The following SFXN5 variants were observed in gnomAD, a reference collection of about 807,000 sequenced individuals.
SFXN5 encodes the protein sideroflexin 5.
In SFXN5, 43 loss-of-function variants were observed where a neutral mutation model predicts 50.2. The observed-to-expected ratio is 0.86, with a 90% CI of 0.67 to 1.11. The LOEUF (loss-of-function observed/expected upper bound fraction) is 1.11. SFXN5 is among the 50% of genes least tolerant of loss of function. SFXN5 has a pLI of 0.00. For missense variants in SFXN5, 463 were observed against 454.1 expected, an observed-to-expected ratio of 1.02 and a Z score of -0.18; for synonymous variants, 203 against 185.8, an observed-to-expected ratio of 1.09 and a Z score of -0.75.
At chr2:72,974,391 T>C (rs898585938) in intron 10 of SFXN5, among the ~76,000 whole-genome samples, 9 of 151,734 alleles carry the variant, frequency 5.9e-5, no homozygotes, top group Admixed American at 1.3e-4. Flanking sequence ...ACCACTGAGA[T>C]GAAAGATGAA....
At chr2:73,025,206 C>T (rs73945731) in intron 3 of SFXN5, among the ~76,000 whole-genome samples, 9,208 of 152,106 alleles carry the variant, frequency 0.061, 332 homozygotes, top group East Asian at 0.14. Context: ...TCAGTAAGCA[C>T]CTTCCTGAAG....
At chr2:73,015,296 A>G (rs1296400998) in intron 6 of SFXN5, among the ~76,000 whole-genome samples, 7 of 152,234 alleles carry the variant, frequency 4.6e-5, no homozygotes, top group Non-Finnish European at 4.4e-5. Flanking sequence ...TATTTGGTAA[A>G]AAGCATTTCG....
intron 10 of SFXN5, among the ~76,000 whole-genome samples, chr2:72,972,633 C>T (rs1670146544): frequency 6.6e-6 from 1 of 152,172 alleles, no homozygotes; most frequent in African/African-American, 2.4e-5. Flanking sequence ...GGTGTTGACC[C>T]CGCCTGAACT....
intron 13 of SFXN5, among the ~76,000 whole-genome samples, chr2:72,954,492 C>A (rs1371335422): frequency 6.6e-6 from 1 of 152,156 alleles, no homozygotes; most frequent in Non-Finnish European, 1.5e-5. Context: ...GGCCAGTGAA[C>A]CTCACTCCTG....
At chr2:73,069,420 G>A (rs1289207296) in intron 1 of SFXN5, among the ~76,000 whole-genome samples, 1 of 152,194 alleles carries the variant, frequency 6.6e-6, no homozygotes, top group Non-Finnish European at 1.5e-5. Context: ...AAAGAACACA[G>A]GCGGCTCCCA....
intron 2 of SFXN5, among the ~76,000 whole-genome samples, chr2:73,048,036 C>A (rs6754779): frequency 0.33 from 49,694 of 151,724 alleles, 9,944 homozygotes; most frequent in African/African-American, 0.56. Flanking sequence ...ACATGAAAAA[C>A]TGCTCATATA....
intron 1 of SFXN5, among the ~76,000 whole-genome samples, chr2:73,068,959 T>G (rs1683375023): frequency 7.0e-6 from 1 of 143,246 alleles, no homozygotes; most frequent in Non-Finnish European, 1.5e-5. Flanking sequence ...GATGGCCCAG[T>G]GGTGGGAGGG....
chr2:73,054,826 CATT>C (rs1681879809), intron 2 of SFXN5, among the ~76,000 whole-genome samples: 1 of 152,214 alleles, frequency 6.6e-6, no homozygotes, highest in Admixed American at 6.5e-5. Context: ...TAGAATCACA[CATT>C]AGGTGGGCTA....
At chr2:73,014,665 T>A (rs932418917) in intron 6 of SFXN5, among the ~76,000 whole-genome samples, 15 of 152,336 alleles carry the variant, frequency 9.8e-5, no homozygotes, top group African/African-American at 3.6e-4. Context: ...CTTATTTAGA[T>A]CTCCAATGTC....
intron 6 of SFXN5, among the ~76,000 whole-genome samples, chr2:73,014,609 G>T (rs535532442): frequency 3.3e-5 from 5 of 152,114 alleles, no homozygotes; most frequent in Non-Finnish European, 7.4e-5. Flanking sequence ...AAATTACATT[G>T]AATATAGATT....
At position 73,032,963 on chromosome 2, in the gene SFXN5, C is replaced by T. The variant is rs1345919482; in HGVS notation, c.249+7891G>A. ...GGGTACCCCCAATTCTACAGACTCA[C>T]GAAAGAAGAGGGACTCTTCGCCTAG... is the stretch of plus-strand genomic sequence containing the variant. On this transcript the variant is annotated intron_variant, in intron 3 of 13. Coordinates refer to ENST00000272433, the MANE Select transcript of SFXN5 (RefSeq NM_144579.3). 2.6e-5 allele frequency among the ~76,000 whole-genome samples: 4 copies of T among 152,160 alleles called. No individual in the cohort carries two copies. In the East Asian group the frequency reaches 5.8e-4, roughly 22 times the overall value.
At position 72,955,839 on chromosome 2, in the gene SFXN5, G is replaced by T. The variant is rs113345233; in HGVS notation, c.945+5292C>A. 4.6e-5 allele frequency among the ~76,000 whole-genome samples: 7 copies of T among 152,338 alleles called. 1 individual carries two copies. The highest frequency in any genetic ancestry group is 1.7e-4 in the African/African-American group (7 of 41,580). On this transcript the variant is annotated intron_variant, in intron 13 of 13. Coordinates refer to ENST00000272433, the MANE Select transcript of SFXN5 (RefSeq NM_144579.3). ...GAATCCAGAGCCCCAATCACCAAAG[G>T]GGGCAAGGCCAGAAAGGCCACCACA...
In SFXN5 at chr2:72,973,830, G is replaced by A. The variant is rs988532893; in HGVS notation, c.626-2145C>T. On this transcript the variant is annotated intron_variant, in intron 10 of 13. Transcript: ENST00000272433. This position sits in a 1 kb window ranked among gnomAD's most constrained non-coding sequence, Gnocchi z 5.5. Reference sequence around the variant, plus strand: ...AGGCTATGCATCCCCCATGCCCTTGGAGCTGCCAGGCTTTCGGTTCCCAGG... The same window carrying A: ...AGGCTATGCATCCCCCATGCCCTTGAAGCTGCCAGGCTTTCGGTTCCCAGG... 7.9e-5 allele frequency among the ~76,000 whole-genome samples: 12 copies of A among 152,276 alleles called. No homozygotes were observed. The highest frequency in any genetic ancestry group is 3.9e-4 in the East Asian group (2 of 5,174).
chr2:72,981,702 C>A (rs1328594266), intron 10 of SFXN5, among the ~76,000 whole-genome samples: 1 of 152,192 alleles, frequency 6.6e-6, no homozygotes, highest in Admixed American at 6.5e-5. Context: ...GGGGCCCATG[C>A]CAGTTCTGAG....
intron 6 of SFXN5, among the ~76,000 whole-genome samples, chr2:73,013,914 C>T (rs1398804498): frequency 6.6e-6 from 1 of 152,058 alleles, no homozygotes; most frequent in Non-Finnish European, 1.5e-5. Flanking sequence ...TTATTGTTCC[C>T]ATGGATGTTT....
rs140425659 is a variant in SFXN5, at chr2:73,060,266, A to T, written c.103-1670T>A. 4.5e-3 allele frequency among the ~76,000 whole-genome samples: 684 copies of T among 152,282 alleles called. 2 individuals are homozygous for T. Among genetic ancestry groups the T allele is most frequent in the Non-Finnish European group, 6.7e-3 (458 of 68,028 alleles). ...GTCTTACCCCCAAAAAATGATGGGG[A>T]TATGTTAAAAGGATCAACGAAGGGC... On this transcript the variant is annotated intron_variant, in intron 1 of 13. Coordinates refer to ENST00000272433, the MANE Select transcript of SFXN5 (RefSeq NM_144579.3).
intron 3 of SFXN5, among the ~76,000 whole-genome samples, chr2:73,030,123 A>AAAAAAC (rs1367283118): frequency 1.3e-5 from 2 of 152,010 alleles, no homozygotes; most frequent in Non-Finnish European, 2.9e-5. Flanking sequence ...AACGAACAAA[A>AAAAAAC]AAAAACAAAA....
intron 9 of SFXN5, among the ~76,000 whole-genome samples, chr2:72,993,370 C>T (rs1197311469): frequency 1.3e-5 from 2 of 152,202 alleles, no homozygotes; most frequent in Non-Finnish European, 2.9e-5. Flanking sequence ...ATGGGGTCAG[C>T]AGCAAAGTAG....
At chr2:73,014,166 C>T (rs760335628) in intron 6 of SFXN5, among the ~76,000 whole-genome samples, 13 of 152,068 alleles carry the variant, frequency 8.5e-5, no homozygotes, top group African/African-American at 3.1e-4. Context: ...GGAATTTCAG[C>T]GGTTTCCAAT....
Sources: gnomAD v4.1 joint callset for allele counts (sites outside exome capture counted in the v4.1 genomes callset) on GRCh38, gnomAD v4.1.1 for gene constraint, Gnocchi (gnomAD v3.1) non-coding constraint, MANE v1.5 for transcripts, NCBI Gene and HGNC (gene_info 2026-07-23, HGNC 2026-07-21) for gene names.